The following ASTN2 variants were observed in gnomAD, a reference collection of about 807,000 sequenced individuals.
The protein encoded by ASTN2 is astrotactin 2, also known as astrotactin-2.
In ASTN2, 54 loss-of-function variants were observed where a neutral mutation model predicts 139.8. The ratio of observed to expected loss-of-function variants is 0.39; its 90% CI spans 0.31 to 0.48. The LOEUF is 0.48. ASTN2 is among the 20% of genes least tolerant of loss of function. The pLI is 0.95. For synonymous variants in ASTN2, 756 were observed against 719.5 expected, an observed-to-expected ratio of 1.05 and a Z score of -0.81; for missense variants, 1,565 against 1,725.1, an observed-to-expected ratio of 0.91 and a Z score of 1.64.
chr9:116,922,100 C>T (rs912941345), intron 10 of ASTN2, among the ~76,000 whole-genome samples: 3 of 152,180 alleles, frequency 2.0e-5, no homozygotes, highest in Non-Finnish European at 4.4e-5. Context: ...TTCCGGAAGT[C>T]TTTTCTTACT....
At chr9:117,147,876 G>T (rs1003386652) in intron 3 of ASTN2, among the ~76,000 whole-genome samples, 1 of 152,124 alleles carries the variant, frequency 6.6e-6, no homozygotes, top group African/African-American at 2.4e-5. Flanking sequence ...CTCCCTCTCT[G>T]GTTGGCTGGA....
intron 1 of ASTN2, among the ~76,000 whole-genome samples, chr9:117,331,446 G>T (rs1161733992): frequency 6.6e-6 from 1 of 152,232 alleles, no homozygotes; most frequent in East Asian, 1.9e-4. Context: ...AATATCAATT[G>T]AGCCTCGGTG....
In ASTN2 at chr9:117,366,622, A is replaced by G. The variant is rs530857734; in HGVS notation, c.442+47875T>C. On this transcript the variant is annotated intron_variant, in intron 1 of 22. Transcript: ENST00000313400. The stretch of plus-strand genomic sequence containing the variant: ...ACTATGAGTACCCAATTTTTCCTGC[A>G]TCTTCCTGATTAGACTCCTGAGCCA... Among the ~76,000 whole-genome samples, 18 of 152,162 alleles carry G rather than the reference A, an allele frequency of 1.2e-4. 1 individual carries two copies. Among genetic ancestry groups the G allele is most frequent in the Admixed American group, 1.2e-3 (18 of 15,274 alleles).
chr9:116,437,948 C>G (rs1847711262), intron 22 of ASTN2, among the ~76,000 whole-genome samples: 1 of 152,180 alleles, frequency 6.6e-6, no homozygotes, highest in African/African-American at 2.4e-5. Context: ...TGCAAATGTT[C>G]TAAGGGCTCA....
intron 6 of ASTN2, among the ~76,000 whole-genome samples, chr9:117,013,765 A>G (rs1351817818): frequency 6.6e-6 from 1 of 152,114 alleles, no homozygotes; most frequent in Non-Finnish European, 1.5e-5. Context: ...CACCAAAGAA[A>G]CAGAAGGCTA....
In ASTN2 at chr9:117,346,797, T is replaced by C. The variant is rs577025915; in HGVS notation, c.443-55284A>G. ...AAAATCATACAGACATGGGTTCAAA[T>C]CCTATCACTGCTAACCTCAATATAT... is the stretch of plus-strand genomic sequence containing the variant. On this transcript the variant is annotated intron_variant, in intron 1 of 22. Transcript: ENST00000313400. Among the ~76,000 whole-genome samples, 14 of 152,210 alleles carry C rather than the reference T, an allele frequency of 9.2e-5. No homozygotes were observed. In the South Asian group the frequency reaches 2.9e-3, roughly 32 times the overall value.
chr9:116,637,466 A>G (rs1203301575), intron 17 of ASTN2, among the ~76,000 whole-genome samples: 1 of 152,202 alleles, frequency 6.6e-6, no homozygotes, highest in Non-Finnish European at 1.5e-5. Context: ...TTTAAGTAAC[A>G]TCCCAAAAGG....
chr9:116,462,788 ATGTGTGTGTGTGTGTGTG>A (rs55926547), intron 20 of ASTN2, among the ~76,000 whole-genome samples: 3 of 146,092 alleles, frequency 2.1e-5, no homozygotes, highest in East Asian at 2.1e-4. Flanking sequence ...TTGGGTGAGC[ATGTGTGTGTGTGTGTGTG>A]TGTGTGTGTG....
intron 2 of ASTN2, among the ~76,000 whole-genome samples, chr9:117,261,924 G>A (rs746308056): frequency 5.3e-5 from 8 of 152,228 alleles, no homozygotes; most frequent in African/African-American, 1.4e-4. Context: ...GCCAAAGACT[G>A]TGATAGAATC....
chr9:116,783,420 C>T (rs753102259), intron 13 of ASTN2, among the ~76,000 whole-genome samples: 12 of 151,694 alleles, frequency 7.9e-5, no homozygotes, highest in Non-Finnish European at 1.8e-4. Context: ...ACGCACCAAG[C>T]CCTGTTCACT....
chr9:116,532,847 T>G, intron 19 of ASTN2, among the ~76,000 whole-genome samples: 1 of 152,230 alleles, frequency 6.6e-6, no homozygotes, highest in South Asian at 2.1e-4. Flanking sequence ...CAATTCGGAC[T>G]CTTTTTTGTT....
chr9:117,333,638 G>A (rs1367489489), intron 1 of ASTN2, among the ~76,000 whole-genome samples: 1 of 152,114 alleles, frequency 6.6e-6, no homozygotes, highest in Non-Finnish European at 1.5e-5. Context: ...GGAAGCCACC[G>A]ATCTTGTCCA....
At chr9:116,747,050 T>TTGAGGCAC (rs1358906376) in intron 13 of ASTN2, among the ~76,000 whole-genome samples, 10 of 152,228 alleles carry the variant, frequency 6.6e-5, no homozygotes, top group Non-Finnish European at 1.5e-4. Flanking sequence ...TCTGCCTCCC[T>TTGAGGCAC]TGCCGTCCTT....
At chr9:116,630,203 GT>G (rs1411559297) in intron 17 of ASTN2, among the ~76,000 whole-genome samples, 1 of 152,132 alleles carries the variant, frequency 6.6e-6, no homozygotes, top group Non-Finnish European at 1.5e-5. Flanking sequence ...GCCCCAGAGA[GT>G]TTGGGTTCCT....
At chr9:116,472,782 C>T (rs1041087912) in intron 20 of ASTN2, among the ~76,000 whole-genome samples, 1 of 151,592 alleles carries the variant, frequency 6.6e-6, no homozygotes, top group East Asian at 1.9e-4. Context: ...TTGGTGGTGG[C>T]GGCGGCGGAG....
rs150394763 is a variant in ASTN2 at position 117,039,862 on chromosome 9, A to G, written c.1380T>C (p.Thr460=). ...VCGSQMSCPL[T]VKVTLHVPEH... is the part of the protein sequence containing the mutation. ...CGGGCACATGCAGAGTCACCTTCAC[A>G]GTGAGTGGACAAGACATCTGGCTGC... The change falls in exon 6 of 23, where the codon ACT becomes ACC. Residue 460 remains threonine, a synonymous_variant. Coordinates refer to ENST00000313400, the MANE Select transcript of ASTN2 (RefSeq NM_001365068.1). The G allele has an allele frequency of 7.4e-6, 12 of 1,613,678 alleles. No homozygotes were observed. The African/African-American group carries it at 1.5e-4, about 20-fold the overall frequency.
intron 10 of ASTN2, among the ~76,000 whole-genome samples, chr9:116,939,242 G>A (rs1469604368): frequency 6.6e-6 from 1 of 152,084 alleles, no homozygotes; most frequent in African/African-American, 2.4e-5. Flanking sequence ...TGAAATAGTA[G>A]CTAGCTATTA....
intron 6 of ASTN2, among the ~76,000 whole-genome samples, chr9:117,036,198 T>C (rs1023029499): frequency 3.9e-5 from 6 of 152,118 alleles, no homozygotes; most frequent in Non-Finnish European, 8.8e-5. Flanking sequence ...AACCAAAACT[T>C]ACTTCATTTG....
chr9:117,299,165 C>A (rs967817962), intron 1 of ASTN2, among the ~76,000 whole-genome samples: 1 of 152,102 alleles, frequency 6.6e-6, no homozygotes, highest in Admixed American at 6.6e-5. Flanking sequence ...CACTGGACCA[C>A]GAAGAATGGC....
Sources: gnomAD v4.1 joint callset for allele counts (sites outside exome capture counted in the v4.1 genomes callset) on GRCh38, gnomAD v4.1.1 for gene constraint, MANE v1.5 for transcripts, NCBI Gene and HGNC (gene_info 2026-07-23, HGNC 2026-07-21) for gene names.